The following CCSER1 variants were observed in gnomAD, a reference collection of about 807,000 sequenced individuals.
CCSER1 encodes the protein coiled-coil serine rich protein 1.
Under a neutral mutation model 82.0 loss-of-function variants are expected in CCSER1, and 41 were observed. The ratio of observed to expected loss-of-function variants is 0.50; its 90% CI spans 0.39 to 0.65. CCSER1 has a LOEUF of 0.65. Among genes scored for constraint, CCSER1 ranks in the 30% least tolerant of loss-of-function variants. The pLI is 0.00. For missense variants in CCSER1, 1,119 were observed against 1,064.2 expected (o/e 1.05, Z -0.72); for synonymous variants, 414 against 383.9 (o/e 1.08, Z -0.92).
intron 10 of CCSER1, among the ~76,000 whole-genome samples, chr4:91,342,813 C>G (rs1015154142): frequency 2.3e-4 from 35 of 152,204 alleles, no homozygotes; most frequent in African/African-American, 8.2e-4. Flanking sequence ...TCACTTTCCC[C>G]ACTGATAAAT....
chr4:90,706,669 G>A (rs567801938), intron 6 of CCSER1, among the ~76,000 whole-genome samples: 192 of 152,246 alleles, frequency 1.3e-3, no homozygotes, highest in African/African-American at 4.4e-3. Flanking sequence ...GAAGTAAACC[G>A]TTGATTATCC....
intron 10 of CCSER1, among the ~76,000 whole-genome samples, chr4:91,251,116 G>T (rs74600395): frequency 1.2e-4 from 19 of 152,180 alleles, no homozygotes; most frequent in South Asian, 1.2e-3. Flanking sequence ...GGTCACTGTC[G>T]TTGCTCAGGC....
At chr4:90,608,281 C>T (rs1784999149) in intron 5 of CCSER1, among the ~76,000 whole-genome samples, 1 of 152,140 alleles carries the variant, frequency 6.6e-6, no homozygotes, top group Non-Finnish European at 1.5e-5. Context: ...GTCACCCAAA[C>T]TCATGTGATC....
At chr4:90,462,979 A>G (rs529846409) in intron 4 of CCSER1, among the ~76,000 whole-genome samples, 1 of 152,296 alleles carries the variant, frequency 6.6e-6, no homozygotes, top group South Asian at 2.1e-4. Flanking sequence ...AGTCATTTTG[A>G]AGGACAGAGC....
At chr4:91,215,394 T>C (rs4414919) in intron 10 of CCSER1, among the ~76,000 whole-genome samples, 62,661 of 151,924 alleles carry the variant, frequency 0.41, 13,562 homozygotes, top group East Asian at 0.84. Context: ...TAGATGTATA[T>C]ATAAAGGGGA....
chr4:91,507,481 T>C (rs906372292), intron 10 of CCSER1, among the ~76,000 whole-genome samples: 1 of 152,012 alleles, frequency 6.6e-6, no homozygotes, highest in African/African-American at 2.4e-5. Context: ...CTGGCTGGAG[T>C]GCAGTGACGC....
chr4:91,249,763 C>T (rs911654951), intron 10 of CCSER1, among the ~76,000 whole-genome samples: 1 of 152,066 alleles, frequency 6.6e-6, no homozygotes, highest in Non-Finnish European at 1.5e-5. Context: ...AAGAAAATAT[C>T]TATTAAGTTT....
intron 8 of CCSER1, among the ~76,000 whole-genome samples, chr4:90,898,267 A>ATATTTTTTTTT (rs1439532109): frequency 1.8e-5 from 1 of 55,378 alleles, no homozygotes; most frequent in Non-Finnish European, 4.1e-5. Flanking sequence ...TCTTTAATCC[A>ATATTTTTTTTT]TCTTTTTTTT....
intron 7 of CCSER1, among the ~76,000 whole-genome samples, chr4:90,813,404 A>G (rs1233928641): frequency 1.3e-5 from 2 of 152,184 alleles, no homozygotes; most frequent in Non-Finnish European, 2.9e-5. Context: ...TCTGTGGGGT[A>G]TATCCCCTGC....
chr4:90,189,272 C>G (rs996134734), intron 1 of CCSER1, among the ~76,000 whole-genome samples: 2 of 151,950 alleles, frequency 1.3e-5, no homozygotes, highest in African/African-American at 4.8e-5. Flanking sequence ...ACCTCTGAGT[C>G]TATTACAAGT....
intron 9 of CCSER1, among the ~76,000 whole-genome samples, chr4:91,042,738 A>G (rs1023319102): frequency 2.6e-5 from 4 of 152,206 alleles, no homozygotes; most frequent in African/African-American, 9.7e-5. Flanking sequence ...TATCACCAAT[A>G]GAAGAATGAA....
At chr4:91,267,169 G>A (rs1232755039) in intron 10 of CCSER1, among the ~76,000 whole-genome samples, 4 of 152,144 alleles carry the variant, frequency 2.6e-5, no homozygotes, top group Admixed American at 6.5e-5. Context: ...TAGCACACCT[G>A]TGGATCCAGC....
At chr4:90,563,054 C>T (rs17017179) in intron 5 of CCSER1, among the ~76,000 whole-genome samples, 9,768 of 151,628 alleles carry the variant, frequency 0.064, 995 homozygotes, top group African/African-American at 0.22. Flanking sequence ...TATTCATAAC[C>T]CTTGGCATTT....
intron 3 of CCSER1, among the ~76,000 whole-genome samples, chr4:90,333,508 A>G (rs915432816): frequency 2.0e-5 from 3 of 152,324 alleles, no homozygotes; most frequent in East Asian, 3.9e-4. Flanking sequence ...GTGAAATGCT[A>G]TTGCCACTTG....
intron 5 of CCSER1, among the ~76,000 whole-genome samples, chr4:90,482,519 A>G (rs1171096831): frequency 1.3e-5 from 2 of 152,132 alleles, no homozygotes; most frequent in Non-Finnish European, 2.9e-5. Flanking sequence ...AGTGCTATAC[A>G]TTTCTCTCTA....
At chr4:91,226,352 T>C (rs923620386) in intron 10 of CCSER1, among the ~76,000 whole-genome samples, 1 of 151,932 alleles carries the variant, frequency 6.6e-6, no homozygotes, top group Non-Finnish European at 1.5e-5. Context: ...AAGATACTTA[T>C]TTGTGCAACA....
chr4:91,536,036 A>G (rs1371800162), intron 10 of CCSER1, among the ~76,000 whole-genome samples: 1 of 152,036 alleles, frequency 6.6e-6, no homozygotes, highest in South Asian at 2.1e-4. Context: ...ACCAATGTAA[A>G]TATATATTTT....
intron 10 of CCSER1, among the ~76,000 whole-genome samples, chr4:91,372,400 T>G (rs1578292660): frequency 1.3e-5 from 2 of 152,234 alleles, no homozygotes; most frequent in Middle Eastern, 3.4e-3. Context: ...GAAACAAAAT[T>G]AGAGGTAGCT....
intron 10 of CCSER1, among the ~76,000 whole-genome samples, chr4:91,119,088 G>C (rs1232928978): frequency 6.6e-6 from 1 of 152,132 alleles, no homozygotes; most frequent in African/African-American, 2.4e-5. Context: ...AAAAGGGGCA[G>C]ATGTTCTTTT....
Sources: allele counts gnomAD v4.1 joint callset (sites outside exome capture counted in the v4.1 genomes callset), GRCh38; gene constraint gnomAD v4.1.1; transcripts MANE v1.5; gene names NCBI Gene and HGNC (gene_info 2026-07-23, HGNC 2026-07-21).